The following DGKZ variants were observed in gnomAD, a reference collection of about 807,000 sequenced individuals.
DGKZ encodes the protein diacylglycerol kinase zeta.
In DGKZ, 45 loss-of-function variants were observed where a neutral mutation model predicts 142.5. The observed-to-expected ratio is 0.32, with a 90% CI of 0.25 to 0.40. The LOEUF is 0.40. DGKZ is among the 10% of genes least tolerant of loss of function. DGKZ has a pLI of 1.00. For synonymous variants in DGKZ, 442 were observed against 527.0 expected (o/e 0.84, Z 2.21); for missense variants, 755 against 1,306.5 (o/e 0.58, Z 6.51).
chr11:46,373,796 T>A (rs1384897606), intron 14 of DGKZ, among the ~76,000 whole-genome samples: 2 of 152,176 alleles, frequency 1.3e-5, no homozygotes, highest in Non-Finnish European at 2.9e-5. Context: ...CCACGCCTGG[T>A]CAGAAGATGC....
intron 5 of DGKZ, 60 bp downstream of exon 5, chr11:46,369,610 G>A (rs1443467082): frequency 3.6e-5 from 58 of 1,601,552 alleles, no homozygotes; most frequent in South Asian, 1.1e-4. Context: ...GGGCCTCTGC[G>A]CAGTGCCTCT....
chr11:46,336,632 G>C (rs1390795945), intron 1 of DGKZ, among the ~76,000 whole-genome samples: 1 of 152,140 alleles, frequency 6.6e-6, no homozygotes, highest in Non-Finnish European at 1.5e-5. Context: ...AGGCTGGAGT[G>C]CACTATCATG....
intron 30 of DGKZ, 98 bp downstream of exon 30, chr11:46,379,666 C>G (rs554271355): frequency 7.5e-7 from 1 of 1,332,104 alleles, no homozygotes; most frequent in Non-Finnish European, 1.0e-6. Flanking sequence ...CCTGGGAAGA[C>G]ACAGTCCAGA....
intron 1 of DGKZ, among the ~76,000 whole-genome samples, chr11:46,348,275 G>T (rs930114497): frequency 3.3e-5 from 5 of 152,316 alleles, no homozygotes; most frequent in African/African-American, 1.2e-4. Flanking sequence ...TTGGACTTTC[G>T]TGGGACCAGG....
rs1470396257 is a variant in DGKZ at position 46,366,587 on chromosome 11, A to G, written c.162-704A>G. The G allele has an allele frequency of 3.1e-6, 5 of 1,607,606 alleles. 1 individual carries two copies. Among genetic ancestry groups the G allele is most frequent in the Non-Finnish European group, 4.2e-6 (5 of 1,177,700 alleles). ...GCTTCTGGGTGCACCCCTGCTGTTG[A>G]CCGGGCTTGTGGGCATGAATGAGGA... On this transcript the variant is annotated intron_variant, in intron 1 of 30. Coordinates refer to ENST00000527911, the Ensembl canonical transcript of DGKZ.
intron 1 of DGKZ, among the ~76,000 whole-genome samples, chr11:46,337,287 CTTTT>C (rs948859545): frequency 1.2e-5 from 1 of 86,290 alleles, no homozygotes; most frequent in East Asian, 3.0e-4. Context: ...TAAATGGGTT[CTTTT>C]TTTTTTTTTT....
intron 1 of DGKZ, chr11:46,366,509 CG>C: frequency 1.9e-6 from 3 of 1,588,388 alleles, no homozygotes; most frequent in Non-Finnish European, 2.6e-6. Flanking sequence ...CTGCAACCCC[CG>C]CTTCATCGTG....
In DGKZ at chr11:46,357,118, C is replaced by T. The variant is rs570435584; in HGVS notation, c.161+9298C>T. Among the ~76,000 whole-genome samples, 131 of 152,224 alleles carry T rather than the reference C, an allele frequency of 8.6e-4. 1 individual carries two copies. The highest frequency in any genetic ancestry group is 1.7e-3 in the Non-Finnish European group (114 of 68,018). On this transcript the variant is annotated intron_variant, in intron 1 of 30. Transcript: ENST00000527911. ...AAAGGAATGGGTTGGTCATTTGTTG[C>T]GCAAACATCTCTTTGAGGCCTAGCA... is the stretch of plus-strand genomic sequence containing the variant.
In DGKZ at chr11:46,367,877, G is replaced by C. The variant is rs965078954; in HGVS notation, c.367-125G>C. 6.6e-7 allele frequency: 1 copy of C among 1,517,398 alleles called. No homozygotes were observed. Among genetic ancestry groups the C allele is most frequent in the Admixed American group, 1.7e-5 (1 of 58,368 alleles). The allele number at this position is 1,517,398 out of a possible 1,614,324, so 94.0% of individuals were successfully genotyped here. A position where few individuals can be genotyped will look rare whatever the true frequency, so the allele number is the denominator to read the frequency against. On this transcript the variant is annotated intron_variant, in intron 3 of 30. Coordinates refer to ENST00000527911, the Ensembl canonical transcript of DGKZ. The surrounding 1 kb of genome is among the most constrained non-coding windows in gnomAD (Gnocchi z 4.1). ...CCGCCCCAGGATGGTGAGGGGTGCA[G>C]GGGCTTTGTCCGGATGCCAGGACTG...
intron 1 of DGKZ, among the ~76,000 whole-genome samples, chr11:46,337,351 A>T (rs1940063775): frequency 7.4e-6 from 1 of 135,090 alleles, no homozygotes; most frequent in African/African-American, 2.9e-5. Context: ...GCTGAAGTGC[A>T]ATGGCGTGAT....
Position 46,372,159 on chromosome 11 carries a change from G to T in DGKZ, c.916G>T (p.Gly306Trp). The T allele has an allele frequency of 1.2e-6, 2 of 1,607,872 alleles. No homozygotes were observed. The highest frequency in any genetic ancestry group is 8.5e-7 in the Non-Finnish European group (1 of 1,176,518). The change falls in exon 10 of 31, where the codon GGG becomes TGG. Residue 306 changes from glycine to tryptophan, a missense_variant. Physicochemically the swap from Gly to Trp is radical, Grantham distance 184 (BLOSUM62 -2). Transcript: ENST00000527911. The surrounding 1 kb of genome is among the most constrained non-coding windows in gnomAD (Gnocchi z 5.9). ...GCTGGTGTTTGTGAACCCCAAGAGT[G>T]GGGGCAACCAGGTGAACGCGGCCTT... is the stretch of plus-strand genomic sequence containing the variant.
At chr11:46,379,538 C>G in exon 30 of DGKZ, 1 of 1,611,082 alleles carries the variant, frequency 6.2e-7, no homozygotes. Flanking sequence ...TCGTGGAGGC[C>G]GGGGCCTCGC....
chr11:46,334,756 T>A (rs1000806613), intron 1 of DGKZ, among the ~76,000 whole-genome samples: 10 of 152,136 alleles, frequency 6.6e-5, no homozygotes, highest in Admixed American at 5.9e-4. Flanking sequence ...GAGTGCATCA[T>A]CCATCCCATG....
intron 1 of DGKZ, among the ~76,000 whole-genome samples, chr11:46,356,403 G>A (rs138911877): frequency 2.0e-5 from 3 of 152,234 alleles, no homozygotes; most frequent in Non-Finnish European, 2.9e-5. Context: ...ACCATGCGCT[G>A]TTCCCTCCAC....
intron 1 of DGKZ, chr11:46,365,445 G>A: frequency 1.0e-6 from 1 of 985,432 alleles, no homozygotes; most frequent in Non-Finnish European, 1.2e-6. Context: ...CACACACCCA[G>A]AATCCAGAAG....
intron 1 of DGKZ, among the ~76,000 whole-genome samples, chr11:46,353,141 A>T (rs1019704239): frequency 6.3e-4 from 96 of 152,158 alleles, no homozygotes; most frequent in African/African-American, 2.2e-3. Context: ...CATCAGTTTC[A>T]TGTGATCTTC....
In DGKZ at chr11:46,375,564, G is replaced by A. The variant is rs776203000; in HGVS notation, c.1843G>A (p.Ala615Thr). 6.9e-5 allele frequency: 110 copies of A among 1,591,090 alleles called. No individual in the cohort carries two copies. The Admixed American group carries it at 1.5e-3, about 22-fold the overall frequency. ...GCTTGCAGCCTCACGCATCCGCATC[G>A]CCCTGCGCAACCAGGCCACCATGGT... Residue 615 changes from alanine to threonine, a missense_variant, in exon 20 of 31, where the codon GCC becomes ACC. Physicochemically the swap from Ala to Thr is moderately conservative, Grantham distance 58. This residue lies in a region of DGKZ where 191 missense variants were observed against 472.1 expected (regional missense o/e 0.40). Transcript: ENST00000527911.
intron 19 of DGKZ, 103 bp downstream of exon 19, chr11:46,375,148 C>T: frequency 3.6e-6 from 4 of 1,112,746 alleles, no homozygotes; most frequent in Middle Eastern, 5.3e-4. Flanking sequence ...TTCACCCTCA[C>T]CTCCCTTCTT....
Position 46,337,223 on chromosome 11 carries a change from A to G in DGKZ, c.212+3736A>G, listed in dbSNP as rs922927311. Among the ~76,000 whole-genome samples the G allele has an allele frequency of 4.6e-5, 7 of 151,738 alleles. No individual in the cohort carries two copies. In the East Asian group the frequency reaches 1.2e-3, roughly 25 times the overall value. On this transcript the variant is annotated intron_variant, in intron 1 of 30. Coordinates refer to the DGKZ transcript ENST00000343674. ...TCAGTTCAAAGATGCAGGATTTGCA[A>G]TTCCAGAGTTAAACTCAGTGGCTTC...
Sources: gnomAD v4.1 joint callset for allele counts (sites outside exome capture counted in the v4.1 genomes callset) on GRCh38, gnomAD v4.1.1 for gene constraint, gnomAD v4.1.1 regional missense constraint, Gnocchi (gnomAD v3.1) non-coding constraint, MANE v1.5 for transcripts, NCBI Gene and HGNC (gene_info 2026-07-23, HGNC 2026-07-21) for gene names.